The following SMAD3 variants were observed in gnomAD, a reference collection of about 807,000 sequenced individuals.
SMAD3 encodes MAD homolog 3.
A neutral mutation model predicts 51.8 loss-of-function variants in SMAD3; 12 were observed. That is an observed-to-expected ratio of 0.23 (90% CI 0.15 to 0.38). SMAD3 has a LOEUF of 0.38. Among genes scored for constraint, SMAD3 ranks in the 10% least tolerant of loss-of-function variants. The pLI is 1.00. For missense variants in SMAD3, 294 were observed against 565.6 expected (o/e 0.52, Z 4.87); for synonymous variants, 238 against 227.7 (o/e 1.05, Z -0.41).
intron 6 of SMAD3, among the ~76,000 whole-genome samples, chr15:67,181,788 T>C (rs952598171): frequency 4.4e-5 from 4 of 91,280 alleles, no homozygotes; most frequent in Non-Finnish European, 9.6e-5. Flanking sequence ...ATATGAAATC[T>C]ATTTTTTTTT....
At chr15:67,121,075 C>T (rs899556474) in intron 1 of SMAD3, among the ~76,000 whole-genome samples, 11 of 152,214 alleles carry the variant, frequency 7.2e-5, no homozygotes, top group Admixed American at 3.3e-4. Flanking sequence ...ATGATTGTAT[C>T]TGTAACATAA....
intron 1 of SMAD3, among the ~76,000 whole-genome samples, chr15:67,091,743 AG>A (rs1960513005): frequency 6.6e-6 from 1 of 152,242 alleles, no homozygotes; most frequent in Non-Finnish European, 1.5e-5. Flanking sequence ...AGAAGGTAAT[AG>A]CCTTCTAGAA....
chr15:67,184,587 T>G, intron 6 of SMAD3, 140 bp from the exon 7 acceptor site: 1 of 1,022,836 alleles, frequency 9.8e-7, no homozygotes, highest in Non-Finnish European at 1.5e-6. Flanking sequence ...GGCTTGGGCT[T>G]TGGGGCCCGT....
chr15:67,182,998 AAAATATATAT>A (rs1231724486), intron 6 of SMAD3, among the ~76,000 whole-genome samples: 8 of 49,072 alleles, frequency 1.6e-4, no homozygotes, highest in East Asian at 7.6e-4. Flanking sequence ...AAAAAAAAAA[AAAATATATAT>A]ATATATATAT....
At chr15:67,173,664 A>G (rs1962812342) in intron 5 of SMAD3, among the ~76,000 whole-genome samples, 1 of 152,178 alleles carries the variant, frequency 6.6e-6, no homozygotes, top group Non-Finnish European at 1.5e-5. Flanking sequence ...TTTTCTGATG[A>G]CAGCTTCATA....
At chr15:67,145,800 A>G (rs192807729) in intron 1 of SMAD3, among the ~76,000 whole-genome samples, 20 of 152,316 alleles carry the variant, frequency 1.3e-4, no homozygotes, top group Middle Eastern at 3.4e-3. Context: ...TTTCCAATGC[A>G]AGTCCCAATT....
intron 1 of SMAD3, among the ~76,000 whole-genome samples, chr15:67,090,617 C>T (rs1960489656): frequency 6.6e-6 from 1 of 152,092 alleles, no homozygotes; most frequent in African/African-American, 2.4e-5. Flanking sequence ...GTGAACCACT[C>T]ACTATAGGCT....
intron 1 of SMAD3, among the ~76,000 whole-genome samples, chr15:67,083,015 C>T (rs1476336992): frequency 6.6e-6 from 1 of 152,202 alleles, no homozygotes; most frequent in Non-Finnish European, 1.5e-5. Context: ...AAGTTGTCTT[C>T]CTGCCGTCTT....
chr15:67,110,168 G>A (rs1223644264), intron 1 of SMAD3, among the ~76,000 whole-genome samples: 1 of 152,164 alleles, frequency 6.6e-6, no homozygotes, highest in African/African-American at 2.4e-5. Flanking sequence ...AAGACCCAGG[G>A]GGTTTAGGAA....
intron 3 of SMAD3, 131 bp from the exon 4 acceptor site, chr15:67,166,648 C>T (rs945423239): frequency 1.4e-6 from 1 of 722,974 alleles, no homozygotes; most frequent in African/African-American, 1.7e-5. Flanking sequence ...GGAACCTCTA[C>T]TCCAAGACCT....
At chr15:67,181,133 C>A in intron 5 of SMAD3, 108 bp from the exon 6 acceptor site, 1 of 833,220 alleles carries the variant, frequency 1.2e-6, no homozygotes, top group Non-Finnish European at 2.0e-6. Flanking sequence ...AGATTATAAT[C>A]CCTCTGAAAT....
intron 1 of SMAD3, among the ~76,000 whole-genome samples, chr15:67,160,492 G>T (rs1000062773): frequency 6.6e-6 from 1 of 152,118 alleles, no homozygotes; most frequent in Non-Finnish European, 1.5e-5. Context: ...TGAATTGTTG[G>T]CTGGGCGCAG....
In SMAD3 at chr15:67,181,471, T is replaced by TGGGCCCCCCCCCCCCCCCCC; in HGVS notation, c.871+18_871+19insGGGCCCCCCCCCCCCCCCCC. The TGGGCCCCCCCCCCCCCCCCC allele has an allele frequency of 2.6e-6, 4 of 1,521,038 alleles. No individual in the cohort carries two copies. The highest frequency in any genetic ancestry group is 3.5e-6 in the Non-Finnish European group (4 of 1,131,966). 94.2% of individuals were successfully genotyped at this position (1,521,038 alleles called of 1,614,324 possible). On this transcript the variant is annotated intron_variant, in intron 6 of 8. Transcript: ENST00000327367. ...ACACATCGGTATGGGGTGGCTCCAT[T>TGGGCCCCCCCCCCCCCCCCC]CCCCGCCCCCCCACCCTGCCCCTGC...
intron 1 of SMAD3, among the ~76,000 whole-genome samples, chr15:67,150,560 C>T (rs553673008): frequency 6.6e-6 from 1 of 152,146 alleles, no homozygotes; most frequent in African/African-American, 2.4e-5. Flanking sequence ...TGCTCCGATT[C>T]GGGCAGACCT....
Position 67,134,963 on chromosome 15 carries a change from T to C in SMAD3, c.207-29932T>C, listed in dbSNP as rs562729912. On this transcript the variant is annotated intron_variant, in intron 1 of 8. Transcript: ENST00000327367. ...GTGGGGCTGGGATTGGAACCGAAGC[T>C]GGCTGCCCTTCAGCCCCCAGGGTCC... is the stretch of plus-strand genomic sequence containing the variant. 5.9e-5 allele frequency among the ~76,000 whole-genome samples: 9 copies of C among 152,262 alleles called. No individual in the cohort carries two copies. The East Asian group carries it at 1.7e-3, about 29-fold the overall frequency.
chr15:67,170,743 G>A, intron 5 of SMAD3, 139 bp downstream of exon 5: 1 of 726,832 alleles, frequency 1.4e-6, no homozygotes, highest in Non-Finnish European at 2.4e-6. Flanking sequence ...TCAGGTTTCT[G>A]GTTACGGTGA....
At position 67,181,386 on chromosome 15, in the gene SMAD3, C is replaced by T. The variant is rs749855793; in HGVS notation, c.804C>T (p.Arg268=). ...TCACCGACCCCTCCAATTCGGAGCG[C>T]TTCTGCCTAGGGCTGCTCTCCAATG... ...DGFTDPSNSE[R]FCLGLLSNVN... Residue 268 remains arginine, a synonymous_variant, in exon 6 of 9, where the codon CGC becomes CGT. Transcript: ENST00000327367. The T allele has an allele frequency of 6.2e-7, 1 of 1,614,210 alleles. No individual in the cohort carries two copies. Among genetic ancestry groups the T allele is most frequent in the Admixed American group, 1.7e-5 (1 of 60,036 alleles).
rs1159661151 is a variant in SMAD3, at chr15:67,191,478, T to C, written c.*942T>C. On this transcript the variant is annotated 3_prime_UTR_variant, in exon 9 of 9. Transcript: ENST00000327367. ...ATGCATACGGCTATATTGGTTTATG[T>C]AGTCAGTTGCATTCATTAAATCAAC... The C allele has an allele frequency of 4.3e-6, 1 of 233,328 alleles. No homozygotes were observed. Among genetic ancestry groups the C allele is most frequent in the Non-Finnish European group, 8.5e-6 (1 of 118,052 alleles). The allele number at this position is 233,328 out of a possible 1,614,324, so 14.5% of individuals were successfully genotyped here. A position where few individuals can be genotyped will look rare whatever the true frequency, so the allele number is the denominator to read the frequency against.
At chr15:67,124,887 A>G (rs1224753771) in intron 1 of SMAD3, among the ~76,000 whole-genome samples, 1 of 152,246 alleles carries the variant, frequency 6.6e-6, no homozygotes, top group Non-Finnish European at 1.5e-5. Flanking sequence ...CCTGGCCTGA[A>G]CAATTCAGAA....
Sources: gnomAD v4.1 joint callset for allele counts (sites outside exome capture counted in the v4.1 genomes callset) on GRCh38, gnomAD v4.1.1 for gene constraint, MANE v1.5 for transcripts, NCBI Gene and HGNC (gene_info 2026-07-23, HGNC 2026-07-21) for gene names.